The following CPA6 variants were observed in gnomAD, a reference collection of about 807,000 sequenced individuals.
The protein encoded by CPA6 is carboxypeptidase B.
Under a neutral mutation model 63.3 loss-of-function variants are expected in CPA6, and 58 were observed. The observed-to-expected ratio is 0.92, with a 90% CI of 0.74 to 1.14. CPA6 has a LOEUF of 1.14. CPA6 is among the 50% of genes most tolerant of loss of function. The pLI is 0.00. For synonymous variants in CPA6, 185 were observed against 179.0 expected, an observed-to-expected ratio of 1.03 and a Z score of -0.27; for missense variants, 565 against 526.6, an observed-to-expected ratio of 1.07 and a Z score of -0.71.
intron 1 of CPA6, among the ~76,000 whole-genome samples, chr8:67,628,355 A>G (rs375086798): frequency 1.4e-4 from 22 of 152,340 alleles, no homozygotes; most frequent in Admixed American, 2.6e-4. Context: ...GTTGAAAGAC[A>G]GAGATGTGAA....
intron 8 of CPA6, among the ~76,000 whole-genome samples, chr8:67,434,669 G>A (rs1036850474): frequency 3.3e-5 from 5 of 152,178 alleles, no homozygotes; most frequent in Non-Finnish European, 4.4e-5. Flanking sequence ...TGGCTCCCTC[G>A]CTTGGCAACA....
intron 8 of CPA6, 123 bp from the exon 9 acceptor site, chr8:67,434,363 T>G: frequency 2.6e-6 from 2 of 765,776 alleles, no homozygotes; most frequent in Non-Finnish European, 2.1e-6. Flanking sequence ...TATTAAGCAA[T>G]TCATCTAACT....
chr8:67,743,703 A>G (rs1359134404), intron 1 of CPA6, among the ~76,000 whole-genome samples: 1 of 152,004 alleles, frequency 6.6e-6, no homozygotes, highest in African/African-American at 2.4e-5. Flanking sequence ...GCACTATCCA[A>G]TTGTTACTAG....
chr8:67,550,378 CT>C (rs765029924), intron 2 of CPA6, among the ~76,000 whole-genome samples: 1 of 152,120 alleles, frequency 6.6e-6, no homozygotes, highest in Non-Finnish European at 1.5e-5. Context: ...TTATTTCATT[CT>C]TTTTTATGGT....
At chr8:67,537,075 T>C (rs1376271911) in intron 2 of CPA6, among the ~76,000 whole-genome samples, 5 of 152,212 alleles carry the variant, frequency 3.3e-5, no homozygotes. Context: ...AGCTTTTTGA[T>C]GTGCTGCTGG....
chr8:67,628,444 G>A (rs1165939563), intron 1 of CPA6, among the ~76,000 whole-genome samples: 1 of 152,118 alleles, frequency 6.6e-6, no homozygotes, highest in Non-Finnish European at 1.5e-5. Context: ...TTCTTTGTAC[G>A]TTACAGAATT....
intron 2 of CPA6, among the ~76,000 whole-genome samples, chr8:67,555,057 G>A (rs189729996): frequency 6.6e-6 from 1 of 152,288 alleles, no homozygotes; most frequent in African/African-American, 2.4e-5. Flanking sequence ...GCTATACCAG[G>A]TAGTATCCCT....
intron 1 of CPA6, among the ~76,000 whole-genome samples, chr8:67,733,905 C>T (rs1222266759): frequency 1.5e-5 from 2 of 135,716 alleles, no homozygotes; most frequent in Non-Finnish European, 3.1e-5. Flanking sequence ...TGCAGTGGCG[C>T]CCTCTGTCAC....
At chr8:67,721,269 T>C (rs975302027) in intron 1 of CPA6, among the ~76,000 whole-genome samples, 102 of 152,344 alleles carry the variant, frequency 6.7e-4, no homozygotes, top group African/African-American at 2.3e-3. Context: ...TAAAAAGAAA[T>C]ACCATGCGTG....
intron 1 of CPA6, among the ~76,000 whole-genome samples, chr8:67,628,520 A>C (rs1195530330): frequency 6.6e-6 from 1 of 152,036 alleles, no homozygotes; most frequent in Non-Finnish European, 1.5e-5. Context: ...TTCTCTTCCA[A>C]CTCCAAGCCT....
intron 1 of CPA6, among the ~76,000 whole-genome samples, chr8:67,707,157 A>C (rs1421690213): frequency 1.3e-5 from 2 of 152,174 alleles, no homozygotes; most frequent in Non-Finnish European, 2.9e-5. Context: ...GGACTCTAAC[A>C]GGTGCTCTTA....
chr8:67,434,508 C>T (rs1810101698), intron 8 of CPA6, among the ~76,000 whole-genome samples: 1 of 152,214 alleles, frequency 6.6e-6, no homozygotes, highest in Admixed American at 6.5e-5. Context: ...ATTGCTCTAT[C>T]AGCTGTCACT....
rs191744968 is a variant in CPA6, at chr8:67,733,078, C to T, written c.116+12936G>A. 9.2e-5 allele frequency among the ~76,000 whole-genome samples: 14 copies of T among 151,678 alleles called. No individual in the cohort carries two copies. In the East Asian group the frequency reaches 2.7e-3, roughly 30 times the overall value. ...AGGTGTGGTGGCGGGCACCTGTAGT[C>T]CCAGCTACTCGGGAGGCTGAGGCAG... is the stretch of plus-strand genomic sequence containing the variant. On this transcript the variant is annotated intron_variant, in intron 1 of 10. Coordinates refer to ENST00000297770, the MANE Select transcript of CPA6 (RefSeq NM_020361.5).
intron 8 of CPA6, among the ~76,000 whole-genome samples, chr8:67,446,023 G>A (rs1254295992): frequency 6.6e-6 from 1 of 152,180 alleles, no homozygotes; most frequent in Non-Finnish European, 1.5e-5. Context: ...CCAGCACTTT[G>A]GGAGGCCGGG....
chr8:67,492,399 A>G (rs1048220371), intron 6 of CPA6, among the ~76,000 whole-genome samples: 1 of 152,236 alleles, frequency 6.6e-6, no homozygotes, highest in African/African-American at 2.4e-5. Flanking sequence ...CAAATTTTTT[A>G]TGAAAGATGC....
At chr8:67,521,880 C>T (rs1812265085) in intron 2 of CPA6, among the ~76,000 whole-genome samples, 1 of 152,176 alleles carries the variant, frequency 6.6e-6, no homozygotes, top group South Asian at 2.1e-4. Context: ...CATTTAGTCT[C>T]TGTGTGATTT....
At chr8:67,501,828 A>AGCTTTTAATACAGTGGATTACAATGATT (rs1811835228) in intron 6 of CPA6, among the ~76,000 whole-genome samples, 2 of 152,186 alleles carry the variant, frequency 1.3e-5, no homozygotes, top group African/African-American at 4.8e-5. Context: ...ATTCTTCTTT[A>AGCTTTTAATACAGTGGATTACAATGATT]AACATTTGGT....
At chr8:67,523,513 A>G (rs567094955) in intron 2 of CPA6, among the ~76,000 whole-genome samples, 30 of 152,348 alleles carry the variant, frequency 2.0e-4, no homozygotes, top group Non-Finnish European at 2.5e-4. Context: ...TGGGGGAAAG[A>G]GTGAGATTCC....
At chr8:67,572,542 G>A (rs900442131) in intron 2 of CPA6, among the ~76,000 whole-genome samples, 1 of 152,124 alleles carries the variant, frequency 6.6e-6, no homozygotes, top group Admixed American at 6.6e-5. Context: ...GGCCATGCAT[G>A]ACCTTAAACT....
Sources: gnomAD v4.1 joint callset for allele counts (sites outside exome capture counted in the v4.1 genomes callset) on GRCh38, gnomAD v4.1.1 for gene constraint, MANE v1.5 for transcripts, NCBI Gene and HGNC (gene_info 2026-07-23, HGNC 2026-07-21) for gene names.